NCKAP5: variants seen among roughly 807,000 people sequenced by gnomAD.
The protein encoded by NCKAP5 is NCK associated protein 5, also known as nck-associated protein 5.
In NCKAP5, 92 loss-of-function variants were observed where a neutral mutation model predicts 167.0. The ratio of observed to expected loss-of-function variants is 0.55; its 90% CI spans 0.47 to 0.66. NCKAP5 has a LOEUF of 0.66. Among genes scored for constraint, NCKAP5 ranks in the 30% least tolerant of loss-of-function variants. The pLI is 0.00. For synonymous variants in NCKAP5, 891 were observed against 877.4 expected, an observed-to-expected ratio of 1.02 and a Z score of -0.27; for missense variants, 2,378 against 2,315.0, an observed-to-expected ratio of 1.03 and a Z score of -0.56.
At chr2:132,832,993 C>A (rs550958616) in intron 11 of NCKAP5, among the ~76,000 whole-genome samples, 1 of 152,256 alleles carries the variant, frequency 6.6e-6, no homozygotes, top group South Asian at 2.1e-4. Flanking sequence ...TACATTCTCA[C>A]CAACAGTATA....
upstream of NCKAP5, among the ~76,000 whole-genome samples, chr2:133,573,219 A>G (rs371143301): frequency 5.9e-5 from 9 of 152,364 alleles, no homozygotes; most frequent in African/African-American, 2.2e-4. Flanking sequence ...TAAAGTGAGC[A>G]TAAGGAATTC....
At chr2:133,319,344 A>T (rs1173973448) in intron 3 of NCKAP5, among the ~76,000 whole-genome samples, 1 of 152,218 alleles carries the variant, frequency 6.6e-6, no homozygotes. Context: ...ATGCAAAACC[A>T]GCAACAGCTG....
intron 5 of NCKAP5, among the ~76,000 whole-genome samples, chr2:133,158,415 A>T (rs13033108): frequency 0.21 from 32,478 of 152,152 alleles, 3,640 homozygotes; most frequent in African/African-American, 0.24. Context: ...CAGTCTTCAG[A>T]ATGGAGGCTG....
At chr2:132,749,100 C>G (rs1173698790) in intron 16 of NCKAP5, among the ~76,000 whole-genome samples, 5 of 152,104 alleles carry the variant, frequency 3.3e-5, no homozygotes, top group Admixed American at 6.6e-5. Context: ...CACTTCCTTT[C>G]TAATGAGGTT....
chr2:133,616,295 T>C, the NCKAP5 span, among the ~76,000 whole-genome samples: 1 of 147,814 alleles, frequency 6.8e-6, no homozygotes, highest in African/African-American at 2.5e-5. Context: ...AAGAAATAAC[T>C]AAAATCAGAG....
chr2:133,293,245 A>G (rs2150524441), intron 4 of NCKAP5, among the ~76,000 whole-genome samples: 1 of 152,350 alleles, frequency 6.6e-6, no homozygotes, highest in South Asian at 2.1e-4. Context: ...GATGAATTAA[A>G]GAACAGTGGG....
intron 6 of NCKAP5, among the ~76,000 whole-genome samples, chr2:133,064,634 A>C (rs2149527657): frequency 6.6e-6 from 1 of 152,340 alleles, no homozygotes; most frequent in East Asian, 1.9e-4. Context: ...GAAAGTTTTA[A>C]ATTACTGCTC....
chr2:132,944,213 T>A (rs990928629), intron 8 of NCKAP5, among the ~76,000 whole-genome samples: 1 of 152,102 alleles, frequency 6.6e-6, no homozygotes, highest in African/African-American at 2.4e-5. Flanking sequence ...TGAGACAAGT[T>A]GTCAGGGAAA....
chr2:133,650,153 C>T, the NCKAP5 span, among the ~76,000 whole-genome samples: 1 of 151,684 alleles, frequency 6.6e-6, no homozygotes, highest in Non-Finnish European at 1.5e-5. Context: ...AGGAATAGAC[C>T]TAAGGAGGTG....
chr2:132,908,529 T>A (rs1458837321), intron 8 of NCKAP5, among the ~76,000 whole-genome samples: 1 of 152,236 alleles, frequency 6.6e-6, no homozygotes, highest in African/African-American at 2.4e-5. Flanking sequence ...TCTTGACTAA[T>A]ACTAAGCTTA....
chr2:133,235,810 A>C (rs1004920188), intron 4 of NCKAP5, among the ~76,000 whole-genome samples: 1 of 151,868 alleles, frequency 6.6e-6, no homozygotes, highest in Non-Finnish European at 1.5e-5. Flanking sequence ...AGGCTGAGGC[A>C]GGAGAATCAC....
chr2:133,333,551 T>C (rs531960503), intron 3 of NCKAP5, among the ~76,000 whole-genome samples: 49 of 152,262 alleles, frequency 3.2e-4, no homozygotes, highest in African/African-American at 1.2e-3. Context: ...ACAGCTACTA[T>C]CCACATTAGC....
At chr2:133,201,799 C>T (rs2085702749) in intron 5 of NCKAP5, among the ~76,000 whole-genome samples, 2 of 152,068 alleles carry the variant, frequency 1.3e-5, no homozygotes, top group South Asian at 4.2e-4. Flanking sequence ...ACATAGAAGG[C>T]CATTCCAGCC....
At chr2:132,875,750 C>A (rs1364288899) in intron 9 of NCKAP5, among the ~76,000 whole-genome samples, 2 of 152,180 alleles carry the variant, frequency 1.3e-5, no homozygotes, top group Non-Finnish European at 2.9e-5. Context: ...AACATGCAAA[C>A]CTCCAAACTC....
At chr2:132,789,143 A>G (rs2105099895) in intron 13 of NCKAP5, among the ~76,000 whole-genome samples, 1 of 152,234 alleles carries the variant, frequency 6.6e-6, no homozygotes, top group East Asian at 1.9e-4. Flanking sequence ...AAATTAAAAG[A>G]AAGTGAAAAG....
At chr2:133,381,522 T>G (rs1686521698) in intron 3 of NCKAP5, 1 of 152,226 alleles carries the variant, frequency 6.6e-6, no homozygotes, top group African/African-American at 2.4e-5. Flanking sequence ...TTCCTCAAAC[T>G]GTTTGTTTAG....
chr2:132,861,982 A>T (rs1689950160), intron 10 of NCKAP5, among the ~76,000 whole-genome samples: 2 of 152,236 alleles, frequency 1.3e-5, no homozygotes, highest in South Asian at 2.1e-4. Context: ...AAAGGGGATG[A>T]TGATGGCAAA....
chr2:133,127,815 T>G (rs1271961408), intron 6 of NCKAP5, among the ~76,000 whole-genome samples: 4 of 151,928 alleles, frequency 2.6e-5, no homozygotes, highest in Non-Finnish European at 5.9e-5. Flanking sequence ...AAAGGGAGAG[T>G]TGCCATCAAA....
intron 16 of NCKAP5, among the ~76,000 whole-genome samples, chr2:132,760,041 T>G (rs972153923): frequency 6.6e-6 from 1 of 152,146 alleles, no homozygotes; most frequent in African/African-American, 2.4e-5. Context: ...AACTAATATA[T>G]TAATCATTTT....
Sources: gnomAD v4.1 joint callset for allele counts (sites outside exome capture counted in the v4.1 genomes callset) on GRCh38, gnomAD v4.1.1 for gene constraint, MANE v1.5 for transcripts, NCBI Gene and HGNC (gene_info 2026-07-23, HGNC 2026-07-21) for gene names.